Variants in ERBB4 observed in about 807,000 individuals in gnomAD.
ERBB4 encodes the protein erb-b2 receptor tyrosine kinase 4.
Under a neutral mutation model 158.0 loss-of-function variants are expected in ERBB4, and 42 were observed. That is an observed-to-expected ratio of 0.27 (90% CI 0.21 to 0.34). ERBB4 has a LOEUF of 0.34. Among genes scored for constraint, ERBB4 ranks in the 10% least tolerant of loss-of-function variants. ERBB4 has a pLI of 1.00. For missense variants in ERBB4, 1,333 were observed against 1,624.1 expected (o/e 0.82, Z 3.08); for synonymous variants, 583 against 558.7 (o/e 1.04, Z -0.61).
At chr2:212,269,842 C>G (rs934352691) in intron 1 of ERBB4, among the ~76,000 whole-genome samples, 3 of 151,758 alleles carry the variant, frequency 2.0e-5, no homozygotes, top group Admixed American at 6.6e-5. Context: ...TTGTTTCCTG[C>G]TGGTAGGTAC....
At chr2:212,002,457 G>A (rs2076128450) in intron 2 of ERBB4, among the ~76,000 whole-genome samples, 1 of 152,106 alleles carries the variant, frequency 6.6e-6, no homozygotes, top group Admixed American at 6.6e-5. Context: ...ATTCTCTTGT[G>A]GTGGGCAGAG....
chr2:211,776,840 T>G (rs2075888688), intron 4 of ERBB4, among the ~76,000 whole-genome samples: 1 of 152,118 alleles, frequency 6.6e-6, no homozygotes, highest in Non-Finnish European at 1.5e-5. Context: ...TATATTAGTA[T>G]TAGGGCAGAG....
At chr2:212,392,525 C>A (rs1013771544) in intron 1 of ERBB4, among the ~76,000 whole-genome samples, 1 of 152,000 alleles carries the variant, frequency 6.6e-6, no homozygotes, top group Non-Finnish European at 1.5e-5. Context: ...GTAATAAATT[C>A]TGCTAGGTAA....
At chr2:212,208,212 TC>T (rs1234733890) in intron 1 of ERBB4, among the ~76,000 whole-genome samples, 1 of 152,136 alleles carries the variant, frequency 6.6e-6, no homozygotes, top group African/African-American at 2.4e-5. Flanking sequence ...TGCCTTAGGG[TC>T]CTGTTTGCCC....
At chr2:211,542,471 G>A (rs148087378) in intron 20 of ERBB4, among the ~76,000 whole-genome samples, 173 of 152,008 alleles carry the variant, frequency 1.1e-3, no homozygotes, top group African/African-American at 3.9e-3. Context: ...TATGATTCAC[G>A]TGACTTGTTT....
chr2:212,205,806 A>G (rs2105913594), intron 1 of ERBB4, among the ~76,000 whole-genome samples: 1 of 152,328 alleles, frequency 6.6e-6, no homozygotes, highest in Non-Finnish European at 1.5e-5. Flanking sequence ...GGCATAAAGA[A>G]TCATGTTTTA....
intron 1 of ERBB4, among the ~76,000 whole-genome samples, chr2:212,457,019 G>A (rs1039739670): frequency 6.6e-6 from 1 of 151,808 alleles, no homozygotes; most frequent in African/African-American, 2.4e-5. Context: ...TGCCCCAAAG[G>A]ACTTTTTTCA....
intron 1 of ERBB4, among the ~76,000 whole-genome samples, chr2:212,324,461 A>C (rs1027773613): frequency 7.5e-6 from 1 of 134,096 alleles, no homozygotes; most frequent in African/African-American, 3.1e-5. Flanking sequence ...TGAACAGCTT[A>C]GGAGCAGCGG....
At chr2:211,861,111 T>TATA (rs1402376095) in intron 3 of ERBB4, among the ~76,000 whole-genome samples, 2 of 21,532 alleles carry the variant, frequency 9.3e-5, no homozygotes, top group African/African-American at 4.8e-4. Flanking sequence ...TTATATATAT[T>TATA]TATATATATA....
intron 2 of ERBB4, among the ~76,000 whole-genome samples, chr2:212,010,231 G>T (rs1024858669): frequency 1.3e-5 from 2 of 152,096 alleles, no homozygotes; most frequent in African/African-American, 4.8e-5. Context: ...CTCTCTTGAA[G>T]ACATGGATAA....
intron 8 of ERBB4, among the ~76,000 whole-genome samples, chr2:211,712,482 A>G (rs1252809459): frequency 2.0e-5 from 3 of 152,114 alleles, no homozygotes; most frequent in Non-Finnish European, 4.4e-5. Context: ...TTATAAATCA[A>G]TACTCCTCCT....
chr2:212,051,312 C>T (rs886673690), intron 2 of ERBB4, among the ~76,000 whole-genome samples: 2 of 151,796 alleles, frequency 1.3e-5, no homozygotes, highest in African/African-American at 2.4e-5. Flanking sequence ...CTTTTAAGTG[C>T]TTTAAGTATT....
intron 1 of ERBB4, among the ~76,000 whole-genome samples, chr2:212,459,252 C>G (rs976083258): frequency 1.3e-5 from 2 of 151,544 alleles, no homozygotes; most frequent in African/African-American, 4.8e-5. Context: ...ATAATCTTAT[C>G]AAGTTAATTA....
chr2:211,537,099 C>G lies in ERBB4; in HGVS notation c.2487+24804G>C, dbSNP rs144148947. 9.2e-4 allele frequency among the ~76,000 whole-genome samples: 140 copies of G among 151,684 alleles called. 1 individual carries two copies. In the East Asian group the frequency reaches 0.027, roughly 29 times the overall value. On this transcript the variant is annotated intron_variant, in intron 20 of 27. Coordinates refer to ENST00000342788, the MANE Select transcript of ERBB4 (RefSeq NM_005235.3). ...ACAATTTTTTTATTTTTAAAATTAC[C>G]CTGAAAATTAGTGTAAAATTAAAAT...
chr2:212,385,997 G>A (rs2090661038), intron 1 of ERBB4, among the ~76,000 whole-genome samples: 1 of 151,802 alleles, frequency 6.6e-6, no homozygotes, highest in Non-Finnish European at 1.5e-5. Flanking sequence ...TGCCAAAAGG[G>A]TAAGACAATC....
chr2:212,176,573 T>C (rs1274655441), intron 1 of ERBB4, among the ~76,000 whole-genome samples: 1 of 151,960 alleles, frequency 6.6e-6, no homozygotes, highest in African/African-American at 2.4e-5. Flanking sequence ...TATATGTTAT[T>C]TTATTATAGC....
chr2:212,241,643 T>C (rs1307222635), intron 1 of ERBB4, among the ~76,000 whole-genome samples: 5 of 152,190 alleles, frequency 3.3e-5, no homozygotes, highest in African/African-American at 1.2e-4. Flanking sequence ...CCTTGGTAAT[T>C]ATTTTAGTTG....
At chr2:212,069,990 A>G (rs1025348333) in intron 2 of ERBB4, among the ~76,000 whole-genome samples, 1 of 142,116 alleles carries the variant, frequency 7.0e-6, no homozygotes, top group African/African-American at 2.5e-5. Context: ...GCACAGTGGC[A>G]TGTGTCTGTA....
Position 212,333,958 on chromosome 2 carries a change from T to C in ERBB4, c.82+204491A>G, listed in dbSNP as rs188393995. ...GTGTCACTGCTATGTACCTTAACAT[T>C]ACAAGCACACTGGACTGGAGGCTCA... On this transcript the variant is annotated intron_variant, in intron 1 of 27. Coordinates refer to ENST00000342788, the MANE Select transcript of ERBB4 (RefSeq NM_005235.3). Among the ~76,000 whole-genome samples, 56 of 152,204 alleles carry C rather than the reference T, an allele frequency of 3.7e-4. No individual in the cohort carries two copies. In the East Asian group the frequency reaches 0.01, roughly 28 times the overall value.
Sources: gnomAD v4.1 joint callset for allele counts (sites outside exome capture counted in the v4.1 genomes callset) on GRCh38, gnomAD v4.1.1 for gene constraint, MANE v1.5 for transcripts, NCBI Gene and HGNC (gene_info 2026-07-23, HGNC 2026-07-21) for gene names.